VPS53: variants seen among roughly 807,000 people sequenced by gnomAD.
The protein encoded by VPS53 is vacuolar protein sorting-associated protein 53 homolog.
Under a neutral mutation model 107.0 loss-of-function variants are expected in VPS53, and 70 were observed. The observed-to-expected ratio is 0.65, with a 90% CI of 0.54 to 0.80. The LOEUF (loss-of-function observed/expected upper bound fraction) is 0.80. VPS53 is among the 30% of genes least tolerant of loss of function. The probability of loss-of-function intolerance (pLI) is 0.00; values close to 1 mark genes in which losing one functional copy is unlikely to be tolerated. For missense variants in VPS53, 917 were observed against 1,049.4 expected (o/e 0.87, Z 1.74); for synonymous variants, 409 against 393.3 (o/e 1.04, Z -0.47).
intron 13 of VPS53, among the ~76,000 whole-genome samples, chr17:563,098 C>G (rs1217238865): frequency 1.3e-5 from 2 of 152,146 alleles, no homozygotes; most frequent in Non-Finnish European, 2.9e-5. Context: ...AAGTTTCTCA[C>G]AAAGTCTGTG....
intron 12 of VPS53, among the ~76,000 whole-genome samples, chr17:592,786 A>G (rs1967734208): frequency 6.6e-6 from 1 of 152,150 alleles, no homozygotes; most frequent in South Asian, 2.1e-4. Context: ...CCCTTTGAGG[A>G]TAACCCGACC....
At chr17:634,840 G>A (rs1321838972) in intron 7 of VPS53, among the ~76,000 whole-genome samples, 2 of 150,768 alleles carry the variant, frequency 1.3e-5, no homozygotes, top group Admixed American at 1.3e-4. Flanking sequence ...ATTGTGAATA[G>A]TGCCGCAATA....
At chr17:678,881 T>G (rs907955674) in intron 4 of VPS53, among the ~76,000 whole-genome samples, 8 of 151,992 alleles carry the variant, frequency 5.3e-5, no homozygotes, top group Non-Finnish European at 1.2e-4. Context: ...CCTCGTGATC[T>G]GCCCGCCTCG....
intron 12 of VPS53, among the ~76,000 whole-genome samples, chr17:599,292 G>A (rs1278324139): frequency 4.6e-5 from 7 of 152,216 alleles, no homozygotes; most frequent in Non-Finnish European, 8.8e-5. Flanking sequence ...TGACAATGGC[G>A]GCTTTGTGGA....
intron 2 of VPS53, among the ~76,000 whole-genome samples, chr17:707,857 A>AG: frequency 6.6e-6 from 1 of 151,798 alleles, no homozygotes; most frequent in East Asian, 1.9e-4. Context: ...AAAAAAAAAA[A>AG]AAAGGAAGAA....
chr17:622,084 C>T (rs147115068), intron 11 of VPS53, among the ~76,000 whole-genome samples: 61 of 152,088 alleles, frequency 4.0e-4, no homozygotes, highest in African/African-American at 1.2e-3. Context: ...TAGTGGTGTG[C>T]ACCTGTAATC....
At chr17:528,592 ATTCTTT>A (rs1280876682) in intron 19 of VPS53, among the ~76,000 whole-genome samples, 12 of 114,362 alleles carry the variant, frequency 1.0e-4, no homozygotes, top group Non-Finnish European at 1.7e-4. Flanking sequence ...TTTTTTTTCA[ATTCTTT>A]TTTTTTTTTT....
At chr17:661,297 G>A (rs567799929) in intron 5 of VPS53, among the ~76,000 whole-genome samples, 11 of 151,918 alleles carry the variant, frequency 7.2e-5, no homozygotes, top group Admixed American at 4.6e-4. Context: ...CGAGGCGGGC[G>A]GATCATGAGG....
chr17:676,845 G>T (rs543139805), intron 4 of VPS53, among the ~76,000 whole-genome samples: 61 of 144,532 alleles, frequency 4.2e-4, no homozygotes, highest in African/African-American at 1.2e-3. Context: ...AATCAGGGTG[G>T]TTTTTTTTTT....
In VPS53 at chr17:714,818, C is replaced by A; in HGVS notation, c.-109G>T. 2 of 1,256,146 alleles carry A rather than the reference C, an allele frequency of 1.6e-6. No individual in the cohort carries two copies. Among genetic ancestry groups the A allele is most frequent in the Non-Finnish European group, 2.3e-6 (2 of 870,248 alleles). The allele number at this position is 1,256,146 out of a possible 1,614,324, so 77.8% of individuals were successfully genotyped here. ...CCTCGCGGCAGCGACCTGGTGAGCC[C>A]GGCTCCGTCAGCCGCTCTGTCAGCC... On this transcript the variant is annotated 5_prime_UTR_variant, in exon 1 of 22. Coordinates refer to ENST00000437048, the MANE Select transcript of VPS53 (RefSeq NM_001128159.3).
At chr17:609,893 G>T (rs1968767001) in intron 11 of VPS53, among the ~76,000 whole-genome samples, 2 of 152,080 alleles carry the variant, frequency 1.3e-5, no homozygotes, top group African/African-American at 4.8e-5. Context: ...ACTTTGGGAG[G>T]CCGAGGTGGG....
At position 509,349 on chromosome 17, in the gene VPS53, C is replaced by T. The variant is rs1413507015; in HGVS notation, c.*9779G>A. On this transcript the variant is annotated 3_prime_UTR_variant, in exon 22 of 22. Transcript: ENST00000437048. The stretch of plus-strand genomic sequence containing the variant: ...ATCCTGGCTCACCCCTCACTAGTCA[C>T]ATATTGAATCCTGGCTCACCCCTCA... 6 of 161,168 alleles carry T rather than the reference C, an allele frequency of 3.7e-5. No individual in the cohort carries two copies. The highest frequency in any genetic ancestry group is 8.1e-5 in the Non-Finnish European group (6 of 74,064). The allele number at this position is 161,168 out of a possible 1,614,324, so 10.0% of individuals were successfully genotyped here.
intron 12 of VPS53, among the ~76,000 whole-genome samples, chr17:594,576 T>C (rs1967857712): frequency 6.6e-6 from 1 of 150,982 alleles, no homozygotes; most frequent in Admixed American, 6.6e-5. Flanking sequence ...TGGATCAATT[T>C]CCTCGTTTGA....
chr17:699,507 T>G (rs377730622), intron 2 of VPS53, 127 bp from the exon 3 acceptor site: 4 of 702,774 alleles, frequency 5.7e-6, no homozygotes, highest in African/African-American at 1.9e-5. Context: ...GATATGAGTT[T>G]TGCTTTAAAA....
chr17:571,051 G>C lies in VPS53; in HGVS notation c.1314-8306C>G, dbSNP rs373953196. Reference sequence around the variant, plus strand: ...AAAAAAGTACAGGTTGGGCACAGTGGTTCACGTCTGTAATCTCAACACTTT... The same window carrying C: ...AAAAAAGTACAGGTTGGGCACAGTGCTTCACGTCTGTAATCTCAACACTTT... On this transcript the variant is annotated intron_variant, in intron 13 of 21. Transcript: ENST00000437048. Among the ~76,000 whole-genome samples the C allele has an allele frequency of 1.3e-3, 196 of 152,220 alleles. 3 individuals carry two copies. In the South Asian group the frequency reaches 0.04, roughly 31 times the overall value.
intron 13 of VPS53, among the ~76,000 whole-genome samples, chr17:569,550 T>C (rs904093214): frequency 1.3e-5 from 2 of 152,096 alleles, no homozygotes; most frequent in Non-Finnish European, 2.9e-5. Flanking sequence ...GACATAGACA[T>C]AAGGGGGAGA....
chr17:662,562 A>G (rs1245716292), intron 4 of VPS53, among the ~76,000 whole-genome samples: 5 of 151,920 alleles, frequency 3.3e-5, no homozygotes, highest in Admixed American at 1.3e-4. Context: ...AGTGGCACGC[A>G]CCTGTAGTCC....
rs979567587 is a variant in VPS53, at chr17:519,362, C to A, written c.2329-64G>T. 7.1e-7 allele frequency: 1 copy of A among 1,417,356 alleles called. No homozygotes were observed. The highest frequency in any genetic ancestry group is 9.3e-7 in the Non-Finnish European group (1 of 1,079,410). 87.8% of individuals were successfully genotyped at this position (1,417,356 alleles called of 1,614,324 possible). A position where few individuals can be genotyped will look rare whatever the true frequency, so the allele number is the denominator to read the frequency against. ...GGCCAGAATGGCCCACGGGGGACAG[C>A]GCAGTATCTGGATATGGGGTCAGCA... On this transcript the variant is annotated intron_variant, in intron 21 of 21. Coordinates refer to ENST00000437048, the MANE Select transcript of VPS53 (RefSeq NM_001128159.3). The surrounding 1 kb of genome is among the most constrained non-coding windows in gnomAD (Gnocchi z 5.0).
At chr17:586,173 T>A in intron 13 of VPS53, 97 bp downstream of exon 13, 1 of 1,103,554 alleles carries the variant, frequency 9.1e-7, no homozygotes, top group Non-Finnish European at 1.4e-6. Flanking sequence ...GCCACAACCA[T>A]CTTTCAGCCC....
Sources: allele counts gnomAD v4.1 joint callset (sites outside exome capture counted in the v4.1 genomes callset), GRCh38; gene constraint gnomAD v4.1.1; non-coding constraint Gnocchi (gnomAD v3.1); transcripts MANE v1.5; gene names NCBI Gene and HGNC (gene_info 2026-07-23, HGNC 2026-07-21).